SLC22A23: variants seen among roughly 807,000 people sequenced by gnomAD.
SLC22A23 encodes ion transporter protein.
Under a neutral mutation model 61.0 loss-of-function variants are expected in SLC22A23, and 26 were observed. The ratio of observed to expected loss-of-function variants is 0.43; its 90% CI spans 0.31 to 0.59. The LOEUF (loss-of-function observed/expected upper bound fraction) is 0.59. Ranked by LOEUF, SLC22A23 falls within the 20% of genes least tolerant of loss-of-function variation. The pLI is 0.11. For synonymous variants in SLC22A23, 430 were observed against 413.9 expected (o/e 1.04, Z -0.47); for missense variants, 796 against 934.7 (o/e 0.85, Z 1.94).
chr6:3,418,099 G>GGTGCT (rs1459961654), intron 1 of SLC22A23, among the ~76,000 whole-genome samples: 1 of 152,162 alleles, frequency 6.6e-6, no homozygotes, highest in Non-Finnish European at 1.5e-5. Context: ...TGGGAGAGGA[G>GGTGCT]GTGCTCTCAA....
At chr6:3,351,053 G>T (rs567963266) in intron 3 of SLC22A23, among the ~76,000 whole-genome samples, 1 of 152,086 alleles carries the variant, frequency 6.6e-6, no homozygotes, top group Non-Finnish European at 1.5e-5. Flanking sequence ...GGAGAAGCAA[G>T]GCCAGGCCGA....
Position 3,456,430 on chromosome 6 carries a change from G to T in SLC22A23, c.130C>A (p.Pro44Thr). The T allele has an allele frequency of 4.5e-6, 6 of 1,326,336 alleles. No individual in the cohort carries two copies. The highest frequency in any genetic ancestry group is 5.8e-6 in the Non-Finnish European group (6 of 1,041,536). 82.2% of individuals were successfully genotyped at this position (1,326,336 alleles called of 1,614,324 possible). ...GGCTGGATCTCCGCGCCGCCGCCGG[G>T]GCCCGCGCGTCCCCCGAGGGGCGCC... The part of the protein sequence containing the change: ...ASAPLGGRAG[P>T]GGGAEIQPLP... Residue 44 changes from proline to threonine, a missense_variant, in exon 1 of 10, where the codon CCC (proline) becomes ACC (threonine). By Grantham distance (38) the Pro-to-Thr change is conservative. Coordinates refer to ENST00000406686, the MANE Select transcript of SLC22A23 (RefSeq NM_015482.2). The surrounding 1 kb of genome is among the most constrained non-coding windows in gnomAD (Gnocchi z 7.1).
intron 1 of SLC22A23, among the ~76,000 whole-genome samples, chr6:3,426,987 G>C (rs1436331239): frequency 2.0e-5 from 3 of 152,226 alleles, no homozygotes; most frequent in Non-Finnish European, 2.9e-5. Flanking sequence ...GAGCCTGGTA[G>C]CATGGAATTC....
intron 9 of SLC22A23, among the ~76,000 whole-genome samples, chr6:3,274,835 GATAAAA>G (rs1267974146): frequency 6.6e-6 from 1 of 151,848 alleles, no homozygotes; most frequent in Non-Finnish European, 1.5e-5. Context: ...AAAATTAAAA[GATAAAA>G]ATAAATGGAG....
At chr6:3,353,523 T>C (rs1357272617) in intron 3 of SLC22A23, among the ~76,000 whole-genome samples, 1 of 152,226 alleles carries the variant, frequency 6.6e-6, no homozygotes, top group Non-Finnish European at 1.5e-5. Flanking sequence ...GATTGAGGTG[T>C]TCATTATGCT....
intron 4 of SLC22A23, chr6:3,323,623 C>T (rs1763096363): frequency 4.7e-6 from 3 of 642,210 alleles, no homozygotes; most frequent in African/African-American, 1.8e-5. Context: ...GGGCTCATTC[C>T]ACTCTTCTAT....
chr6:3,401,650 C>T (rs1406104994), intron 3 of SLC22A23, among the ~76,000 whole-genome samples: 2 of 152,150 alleles, frequency 1.3e-5, no homozygotes, highest in Non-Finnish European at 2.9e-5. Context: ...GCTGTCAGCC[C>T]CTTCCTTGGC....
intron 3 of SLC22A23, among the ~76,000 whole-genome samples, chr6:3,391,156 T>C (rs1022878270): frequency 6.6e-6 from 1 of 152,238 alleles, no homozygotes; most frequent in African/African-American, 2.4e-5. Flanking sequence ...AGGTTATCAT[T>C]CATTATTCAC....
At chr6:3,413,063 T>C (rs6926754) in intron 2 of SLC22A23, among the ~76,000 whole-genome samples, 67,317 of 151,920 alleles carry the variant, frequency 0.44, 15,462 homozygotes, top group Non-Finnish European at 0.51. Context: ...ACAGCAGCCA[T>C]AGAGAACCGA....
At chr6:3,437,778 G>A (rs1401815867) in intron 1 of SLC22A23, among the ~76,000 whole-genome samples, 1 of 110,628 alleles carries the variant, frequency 9.0e-6, no homozygotes, top group East Asian at 2.5e-4. Flanking sequence ...ACAGAGTTTT[G>A]CTCTTGTTGC....
At position 3,272,852 on chromosome 6, in the gene SLC22A23, T is replaced by C; in HGVS notation, c.*203A>G. 2.0e-6 allele frequency: 1 copy of C among 498,670 alleles called. No individual in the cohort carries two copies. Among genetic ancestry groups the C allele is most frequent in the Non-Finnish European group, 3.5e-6 (1 of 284,872 alleles). The allele number at this position is 498,670 out of a possible 1,614,324, so 30.9% of individuals were successfully genotyped here. A position where few individuals can be genotyped will look rare whatever the true frequency, so the allele number is the denominator to read the frequency against. Reference sequence around the variant, plus strand: ...ACATTTAACGGCAGAAAAGAAAGTCTTGAAAGGGTTATTTCCAAAGAGTTT... The same window carrying C: ...ACATTTAACGGCAGAAAAGAAAGTCCTGAAAGGGTTATTTCCAAAGAGTTT... On this transcript the variant is annotated 3_prime_UTR_variant, in exon 10 of 10. Coordinates refer to ENST00000406686, the MANE Select transcript of SLC22A23 (RefSeq NM_015482.2).
intron 3 of SLC22A23, among the ~76,000 whole-genome samples, chr6:3,371,645 G>T (rs1481570256): frequency 6.6e-6 from 1 of 152,098 alleles, no homozygotes; most frequent in African/African-American, 2.4e-5. Context: ...AAAAATCTTT[G>T]TCTTGTGGGT....
intron 3 of SLC22A23, among the ~76,000 whole-genome samples, chr6:3,350,158 T>A (rs1764680643): frequency 6.6e-6 from 1 of 152,228 alleles, no homozygotes; most frequent in African/African-American, 2.4e-5. Context: ...TTGTGTGTGA[T>A]GCACTTAATT....
rs771916500 is a variant in SLC22A23, at chr6:3,271,119, A to G, written c.*1936T>C. On this transcript the variant is annotated 3_prime_UTR_variant, in exon 10 of 10. Coordinates refer to ENST00000406686, the MANE Select transcript of SLC22A23 (RefSeq NM_015482.2). Reference sequence around the variant, plus strand: ...TAGCAAGTACTCCAAAAAAGGTAAAAGGAATTTCACAAGTTTGGCACGCAA... The same window carrying G: ...TAGCAAGTACTCCAAAAAAGGTAAAGGGAATTTCACAAGTTTGGCACGCAA... The G allele has an allele frequency of 3.3e-5, 5 of 152,468 alleles. No homozygotes were observed. Among genetic ancestry groups the G allele is most frequent in the Non-Finnish European group, 5.9e-5 (4 of 68,090 alleles). 9.4% of individuals were successfully genotyped at this position (152,468 alleles called of 1,614,324 possible).
At chr6:3,319,580 A>G (rs1170559316) in intron 4 of SLC22A23, among the ~76,000 whole-genome samples, 1 of 152,208 alleles carries the variant, frequency 6.6e-6, no homozygotes, top group African/African-American at 2.4e-5. Context: ...CAGCATCAGC[A>G]TAAGGCAGTG....
intron 1 of SLC22A23, among the ~76,000 whole-genome samples, chr6:3,448,780 A>C (rs4246062): frequency 0.81 from 123,074 of 151,786 alleles, 50,597 homozygotes; most frequent in African/African-American, 0.94. Context: ...AGGCGTGAGC[A>C]ACCGCGCCCA....
intron 3 of SLC22A23, among the ~76,000 whole-genome samples, chr6:3,371,840 C>T (rs1040643939): frequency 1.3e-5 from 2 of 151,986 alleles, no homozygotes; most frequent in African/African-American, 4.8e-5. Context: ...AAGATGCCAT[C>T]GATTTTAAGA....
chr6:3,415,977 T>A, intron 1 of SLC22A23, 122 bp from the exon 2 acceptor site: 1 of 634,768 alleles, frequency 1.6e-6, no homozygotes, highest in South Asian at 2.1e-5. Context: ...TACCATGCCA[T>A]ATACACCAGT....
intron 3 of SLC22A23, among the ~76,000 whole-genome samples, chr6:3,365,005 T>C (rs1298780766): frequency 6.6e-6 from 1 of 152,360 alleles, no homozygotes; most frequent in East Asian, 1.9e-4. Flanking sequence ...AGGTGTCTGC[T>C]GTATAGTTTA....
Sources: gnomAD v4.1 joint callset for allele counts (sites outside exome capture counted in the v4.1 genomes callset) on GRCh38, gnomAD v4.1.1 for gene constraint, Gnocchi (gnomAD v3.1) non-coding constraint, MANE v1.5 for transcripts, NCBI Gene and HGNC (gene_info 2026-07-23, HGNC 2026-07-21) for gene names.